The following CLEC1B variants were observed in gnomAD, a reference collection of about 807,000 sequenced individuals.
CLEC1B encodes C-type lectin-like receptor 2.
CLEC1B carries 26 observed loss-of-function variants against 26.7 expected under a neutral mutation model. The observed-to-expected ratio is 0.97, with a 90% CI of 0.71 to 1.35. The LOEUF (loss-of-function observed/expected upper bound fraction) is 1.35. Among genes scored for constraint, CLEC1B ranks in the 40% most tolerant of loss-of-function variants. The pLI is 0.00. For synonymous variants in CLEC1B, 112 were observed against 96.0 expected, an observed-to-expected ratio of 1.17 and a Z score of -0.97; for missense variants, 293 against 282.6, an observed-to-expected ratio of 1.04 and a Z score of -0.26.
chr12:10,001,799 C>T (rs193067127), upstream of CLEC1B, among the ~76,000 whole-genome samples: 1 of 152,130 alleles, frequency 6.6e-6, no homozygotes, highest in Admixed American at 6.5e-5. Flanking sequence ...TTTATTTCTG[C>T]TTCAATATTT....
chr12:9,997,373 C>G, intron 2 of CLEC1B, 94 bp from the exon 3 acceptor site: 1 of 1,172,752 alleles, frequency 8.5e-7, no homozygotes, highest in Non-Finnish European at 1.2e-6. Context: ...TTAACTTTGC[C>G]AATATATGAG....
chr12:9,999,277 A>G (rs984373897), upstream of CLEC1B: 6 of 494,220 alleles, frequency 1.2e-5, no homozygotes, highest in African/African-American at 1.2e-4. Flanking sequence ...AAGCTTCTTC[A>G]TAGCTGCTCA....
intron 4 of CLEC1B, among the ~76,000 whole-genome samples, chr12:9,996,351 C>A (rs987404240): frequency 6.6e-6 from 1 of 152,184 alleles, no homozygotes; most frequent in Non-Finnish European, 1.5e-5. Context: ...TTCAACCTGG[C>A]ATCTGCCTAG....
In CLEC1B at chr12:9,996,874, A is replaced by G; in HGVS notation, c.410T>C (p.Leu137Pro). The change falls in exon 4 of 6, where the codon CTC (leucine) becomes CCC (proline). Residue 137 changes from leucine (L) to proline (P), a missense_variant. Transcript: ENST00000298527. ...AATGTTCCGGTTGTCAATCTTCAGG[A>G]GAGTAGCATTCATGTCAGTGCAGTA... is the stretch of plus-strand genomic sequence containing the variant. ...KQYCTDMNAT[L>P]LKIDNRNIVE... 1 of 1,614,092 alleles carries G rather than the reference A, an allele frequency of 6.2e-7. No homozygotes were observed. The highest frequency in any genetic ancestry group is 8.5e-7 in the Non-Finnish European group (1 of 1,179,982).
Position 9,995,234 on chromosome 12 carries a change from C to T in CLEC1B, c.451G>A (p.Ala151Thr). Reference protein sequence around the residue: ...DNRNIVEYIKARTHLIRWVGL... With the variant: ...DNRNIVEYIKTRTHLIRWVGL... ...ACCCAACGAATTAAATGAGTCCTGG[C>T]TTTGATGTACTCCTATTGTAAACAT... The change falls in exon 5 of 6, where the codon GCC (alanine) becomes ACC (threonine). Residue 151 changes from alanine (A) to threonine (T), a missense_variant. Transcript: ENST00000298527. The T allele has an allele frequency of 6.2e-7, 1 of 1,612,354 alleles. No individual in the cohort carries two copies. Among genetic ancestry groups the T allele is most frequent in the Non-Finnish European group, 8.5e-7 (1 of 1,178,594 alleles).
intron 4 of CLEC1B, chr12:9,995,584 G>T: frequency 2.9e-6 from 1 of 342,636 alleles, no homozygotes; most frequent in East Asian, 7.8e-5. Flanking sequence ...AACAGAGAAA[G>T]GAAATACAAA....
rs114144880 is a variant in CLEC1B, at chr12:9,996,133, A to G, written c.438+713T>C. 6.0e-3 allele frequency among the ~76,000 whole-genome samples: 908 copies of G among 152,306 alleles called. 6 individuals are homozygous for G. Among genetic ancestry groups the G allele is most frequent in the African/African-American group, 0.021 (861 of 41,566 alleles). On this transcript the variant is annotated intron_variant, in intron 4 of 5. Coordinates refer to ENST00000298527, the MANE Select transcript of CLEC1B (RefSeq NM_016509.4). ...TGTGAGACTCAAAATGGCATTCCAC[A>G]GGAGATATTGTGTGAAAGTCACATG... is the stretch of plus-strand genomic sequence containing the variant.
intron 2 of CLEC1B, among the ~76,000 whole-genome samples, 169 bp from the exon 3 acceptor site, chr12:9,997,448 T>C (rs572790397): frequency 8.6e-5 from 13 of 151,920 alleles, no homozygotes; most frequent in African/African-American, 3.1e-4. Flanking sequence ...AAAGAACAAA[T>C]TAAGAAATAC....
At position 9,999,039 on chromosome 12, in the gene CLEC1B, G is replaced by C. The variant is rs373622374; in HGVS notation, c.62C>G (p.Ser21Cys). The change falls in exon 1 of 6, where the codon TCC (serine) becomes TGC (cysteine). Residue 21 changes from serine (S) to cysteine (C), a missense_variant and splice_region_variant. Coordinates refer to ENST00000298527, the MANE Select transcript of CLEC1B (RefSeq NM_016509.4). ...NIKTRKPALI[S>C]VGSASSSWWR... is the part of the protein sequence containing the mutation. ...TTATTGGCTCTGAGCATTCTTACCG[G>C]AGATGAGAGCTGGTTTCCGAGTTTT... 45 of 1,582,024 alleles carry C rather than the reference G, an allele frequency of 2.8e-5. No individual in the cohort carries two copies. Among genetic ancestry groups the C allele is most frequent in the Non-Finnish European group, 3.7e-5 (43 of 1,153,502 alleles).
intron 1 of CLEC1B, among the ~76,000 whole-genome samples, chr12:9,998,736 C>A (rs1454916936): frequency 3.3e-5 from 5 of 152,288 alleles, no homozygotes; most frequent in Non-Finnish European, 5.9e-5. Context: ...GAATCACACT[C>A]ATTTGCTCAC....
chr12:9,998,327 G>A lies in CLEC1B; in HGVS notation c.118C>T (p.Leu40=), dbSNP rs773574599. 3.1e-6 allele frequency: 5 copies of A among 1,613,974 alleles called. No homozygotes were observed. The Admixed American group carries it at 6.7e-5, about 22-fold the overall frequency. The change falls in exon 2 of 6, where the codon CTG becomes TTG. Residue 40 remains leucine, a synonymous_variant. Coordinates refer to ENST00000298527, the MANE Select transcript of CLEC1B (RefSeq NM_016509.4). ...AGCCCGACAACCATCCCCACGCACA[G>A]GATCAGCAGAATCAAAGCCATCACA... ...WRVMALILLI[L]CVGMVVGLVA...
At chr12:10,000,068 A>C (rs1464733305), upstream of CLEC1B, among the ~76,000 whole-genome samples, 1 of 152,194 alleles carries the variant, frequency 6.6e-6, no homozygotes, top group Admixed American at 6.5e-5. Context: ...GATGTTGTCT[A>C]TTTTGCCATA....
chr12:10,001,560 C>T (rs1039728105), upstream of CLEC1B, among the ~76,000 whole-genome samples: 12 of 152,182 alleles, frequency 7.9e-5, no homozygotes, highest in Non-Finnish European at 1.3e-4. Context: ...GCAAGCTGAG[C>T]GAAGACAGAG....
rs192256546 is a variant in CLEC1B at position 9,997,190 on chromosome 12, C to T, written c.253G>A (p.Val85Ile). 58 of 1,613,964 alleles carry T rather than the reference C, an allele frequency of 3.6e-5. No homozygotes were observed. In the African/African-American group the frequency reaches 6.0e-4, roughly 17 times the overall value. ...GTGCCCTTTAGTTCTGATTGTTTTACCACATATTGACAGAAGCGCTTTGCT... is the reference window on the plus strand; with the variant it reads ...GTGCCCTTTAGTTCTGATTGTTTTATCACATATTGACAGAAGCGCTTTGCT... ...QLAKRFCQYV[V>I]KQSELKGTFK... Residue 85 changes from valine to isoleucine, a missense_variant, in exon 3 of 6, where the codon GTA becomes ATA. Coordinates refer to ENST00000298527, the MANE Select transcript of CLEC1B (RefSeq NM_016509.4).
chr12:9,996,372 A>G (rs1373939319), intron 4 of CLEC1B, among the ~76,000 whole-genome samples: 2 of 152,222 alleles, frequency 1.3e-5, no homozygotes, highest in African/African-American at 2.4e-5. Context: ...ACTAATACAA[A>G]TTAAGGATAT....
intron 5 of CLEC1B, among the ~76,000 whole-genome samples, chr12:9,993,527 T>C (rs1210585776): frequency 6.6e-6 from 1 of 151,974 alleles, no homozygotes; most frequent in Non-Finnish European, 1.5e-5. Context: ...AAGGGAACAG[T>C]AGGTACAATA....
At chr12:9,997,426 T>C (rs1865081275) in intron 2 of CLEC1B, 147 bp from the exon 3 acceptor site, 2 of 700,870 alleles carry the variant, frequency 2.9e-6, no homozygotes, top group African/African-American at 3.6e-5. Flanking sequence ...TTGAAAAGTG[T>C]GGAGGGGCTA....
upstream of CLEC1B, among the ~76,000 whole-genome samples, chr12:10,000,156 G>A (rs1049353931): frequency 1.3e-5 from 2 of 152,072 alleles, no homozygotes; most frequent in African/African-American, 4.8e-5. Context: ...TAAGTAGTAG[G>A]CATTTACCTT....
intron 3 of CLEC1B, 50 bp from the exon 4 acceptor site, chr12:9,997,050 C>G (rs1295780165): frequency 6.2e-7 from 1 of 1,610,510 alleles, no homozygotes; most frequent in Admixed American, 1.7e-5. Context: ...ATTGGGCTTA[C>G]ATTTTCTTCA....
Sources: allele counts gnomAD v4.1 joint callset (sites outside exome capture counted in the v4.1 genomes callset), GRCh38; gene constraint gnomAD v4.1.1; transcripts MANE v1.5; gene names NCBI Gene and HGNC (gene_info 2026-07-23, HGNC 2026-07-21).